Variants in ZNF462 observed in about 807,000 individuals in gnomAD.
ZNF462 encodes zinc finger protein 462, also known as zinc finger PBX1-interacting protein.
A neutral mutation model predicts 201.9 loss-of-function variants in ZNF462; 10 were observed. The observed-to-expected ratio is 0.05, with a 90% CI of 0.03 to 0.08. ZNF462 has a LOEUF of 0.08. Ranked by LOEUF, ZNF462 falls within the 10% of genes least tolerant of loss-of-function variation. The probability of loss-of-function intolerance (pLI) is 1.00; values close to 1 mark genes in which losing one functional copy is unlikely to be tolerated. For missense variants in ZNF462, 2,523 were observed against 3,168.3 expected (o/e 0.80, Z 4.89); for synonymous variants, 1,227 against 1,193.3 (o/e 1.03, Z -0.58).
chr9:106,923,234 C>A lies in ZNF462; in HGVS notation c.-30-120C>A. 1 of 704,650 alleles carries A rather than the reference C, an allele frequency of 1.4e-6. No individual in the cohort carries two copies. Among genetic ancestry groups the A allele is most frequent in the South Asian group, 1.9e-5 (1 of 53,554 alleles). 43.6% of individuals were successfully genotyped at this position (704,650 alleles called of 1,614,324 possible). A position where few individuals can be genotyped will look rare whatever the true frequency, so the allele number is the denominator to read the frequency against. On this transcript the variant is annotated intron_variant, in intron 1 of 12. Coordinates refer to ENST00000277225, the MANE Select transcript of ZNF462 (RefSeq NM_021224.6). This position sits in a 1 kb window ranked among gnomAD's most constrained non-coding sequence, Gnocchi z 5.6. ...TAGCCAATGTTCCAACTGGCAAAGT[C>A]CAATAAGAGAAATCTACTGATACTG...
At chr9:106,991,861 CACACACACACACACACACACAA>C (rs1362471521) in intron 10 of ZNF462, among the ~76,000 whole-genome samples, 3 of 151,190 alleles carry the variant, frequency 2.0e-5, no homozygotes, top group Non-Finnish European at 4.4e-5. Context: ...CACACACACA[CACACACACACACACACACACAA>C]CAATCAAAAT....
At chr9:106,943,039 A>G (rs2131664526) in intron 7 of ZNF462, among the ~76,000 whole-genome samples, 1 of 142,262 alleles carries the variant, frequency 7.0e-6, no homozygotes, top group Non-Finnish European at 1.5e-5. Context: ...TGATGGTAAC[A>G]TAGTTTTGTT....
Position 106,993,368 on chromosome 9 carries a change from G to A in ZNF462, c.7056+8959G>A, listed in dbSNP as rs1486397950. 6.6e-6 allele frequency among the ~76,000 whole-genome samples: 1 copy of A among 152,060 alleles called. No homozygotes were observed. The highest frequency in any genetic ancestry group is 1.5e-5 in the Non-Finnish European group (1 of 67,984). On this transcript the variant is annotated intron_variant, in intron 10 of 12. Transcript: ENST00000277225. The surrounding 1 kb of genome is among the most constrained non-coding windows in gnomAD (Gnocchi z 4.0). ...GATTTAGGCTGCATGTTTATCCTCAGAAGCCAGAGTGCAAAAGGGATAACC... is the reference window on the plus strand; with the variant it reads ...GATTTAGGCTGCATGTTTATCCTCAAAAGCCAGAGTGCAAAAGGGATAACC...
intron 1 of ZNF462, among the ~76,000 whole-genome samples, chr9:106,891,664 T>C (rs1286367063): frequency 6.6e-6 from 1 of 152,230 alleles, no homozygotes; most frequent in Non-Finnish European, 1.5e-5. Context: ...CATCTGAACG[T>C]GAAATCACTT....
intron 1 of ZNF462, among the ~76,000 whole-genome samples, chr9:106,874,161 TAA>T (rs567761899): frequency 3.5e-4 from 53 of 152,316 alleles, no homozygotes; most frequent in African/African-American, 1.3e-3. Flanking sequence ...ACTGTGTAGT[TAA>T]AGAGAGTAAA....
rs1474714911 is a variant in ZNF462 at position 106,886,284 on chromosome 9, G to A, written c.-31+22929G>A. Among the ~76,000 whole-genome samples, 1 of 152,160 alleles carries A rather than the reference G, an allele frequency of 6.6e-6. No individual in the cohort carries two copies. The highest frequency in any genetic ancestry group is 2.4e-5 in the African/African-American group (1 of 41,426). Reference sequence around the variant, plus strand: ...CTTTCTCTGTCTTTTCATGACTTGGGTATGTTTATGTAGATCCAAAATTAT... The same window carrying A: ...CTTTCTCTGTCTTTTCATGACTTGGATATGTTTATGTAGATCCAAAATTAT... On this transcript the variant is annotated intron_variant, in intron 1 of 12. Transcript: ENST00000277225. The surrounding 1 kb of genome is among the most constrained non-coding windows in gnomAD (Gnocchi z 4.6).
At chr9:106,957,074 A>G (rs1270852681) in intron 7 of ZNF462, among the ~76,000 whole-genome samples, 1 of 152,158 alleles carries the variant, frequency 6.6e-6, no homozygotes, top group Non-Finnish European at 1.5e-5. Flanking sequence ...TGTTTGGCAC[A>G]AGAGGCCTGG....
At chr9:106,989,624 T>G (rs911522583) in intron 10 of ZNF462, among the ~76,000 whole-genome samples, 1 of 152,052 alleles carries the variant, frequency 6.6e-6, no homozygotes, top group Non-Finnish European at 1.5e-5. Flanking sequence ...TACCAATCCT[T>G]TGAGTACCAA....
At chr9:106,971,958 C>T (rs1458374976) in intron 7 of ZNF462, 47 bp from the exon 8 acceptor site, 4 of 1,572,748 alleles carry the variant, frequency 2.5e-6, no homozygotes, top group Non-Finnish European at 3.5e-6. Context: ...CATCGATCAC[C>T]TACTGTGTTC....
At chr9:106,947,450 A>G (rs890300784) in intron 7 of ZNF462, among the ~76,000 whole-genome samples, 1 of 152,032 alleles carries the variant, frequency 6.6e-6, no homozygotes, top group African/African-American at 2.4e-5. Flanking sequence ...CTCTTAACCT[A>G]TGTGTTGATT....
At chr9:106,994,052 T>C (rs1321378367) in intron 10 of ZNF462, among the ~76,000 whole-genome samples, 2 of 152,178 alleles carry the variant, frequency 1.3e-5, no homozygotes, top group African/African-American at 4.8e-5. Context: ...TGAACTCTCT[T>C]TGCTAGTTTA....
chr9:106,951,589 T>TTTA, intron 7 of ZNF462, among the ~76,000 whole-genome samples: 1 of 152,246 alleles, frequency 6.6e-6, no homozygotes, highest in East Asian at 1.9e-4. Context: ...AAAGCCACTG[T>TTTA]TAATAAAGTA....
chr9:106,929,832 GC>G lies in ZNF462; in HGVS notation c.5847+75del. 1 of 1,391,168 alleles carries G rather than the reference GC, an allele frequency of 7.2e-7. No homozygotes were observed. Among genetic ancestry groups the G allele is most frequent in the Non-Finnish European group, 9.8e-7 (1 of 1,017,066 alleles). 86.2% of individuals were successfully genotyped at this position (1,391,168 alleles called of 1,614,324 possible). On this transcript the variant is annotated intron_variant, in intron 3 of 12. Coordinates refer to ENST00000277225, the MANE Select transcript of ZNF462 (RefSeq NM_021224.6). This position sits in a 1 kb window ranked among gnomAD's most constrained non-coding sequence, Gnocchi z 8.7. ...TGGTGCCCACATGCACTTCTTCGTTGCCAGCCAAACTGCTGCAGGCTTCCTA... is the reference window on the plus strand; with the variant it reads ...TGGTGCCCACATGCACTTCTTCGTTGCAGCCAAACTGCTGCAGGCTTCCTA...
intron 7 of ZNF462, among the ~76,000 whole-genome samples, chr9:106,964,767 A>C (rs1044027007): frequency 1.3e-5 from 2 of 152,080 alleles, no homozygotes; most frequent in Non-Finnish European, 2.9e-5. Flanking sequence ...ATTTTATCTT[A>C]TAGAATATTA....
intron 1 of ZNF462, among the ~76,000 whole-genome samples, chr9:106,900,910 CTTTG>C (rs1315698622): frequency 6.6e-6 from 1 of 152,016 alleles, no homozygotes; most frequent in Non-Finnish European, 1.5e-5. Flanking sequence ...AGCGATTTAT[CTTTG>C]TTTGTATTGC....
intron 1 of ZNF462, among the ~76,000 whole-genome samples, chr9:106,892,652 G>T (rs1436342577): frequency 6.6e-6 from 1 of 151,564 alleles, no homozygotes; most frequent in Admixed American, 6.6e-5. Flanking sequence ...TTAGATCTTC[G>T]CCTTCATATT....
At chr9:106,918,196 T>G (rs1392149082) in intron 1 of ZNF462, among the ~76,000 whole-genome samples, 3 of 152,186 alleles carry the variant, frequency 2.0e-5, no homozygotes, top group Non-Finnish European at 4.4e-5. Flanking sequence ...TGTTTTACAC[T>G]ATAACATGGA....
rs555693196 is a variant in ZNF462, at chr9:106,872,899, AT to A, written c.-31+9553del. 2.6e-5 allele frequency among the ~76,000 whole-genome samples: 4 copies of A among 151,568 alleles called. No homozygotes were observed. The highest frequency in any genetic ancestry group is 4.8e-5 in the African/African-American group (2 of 41,356). The stretch of plus-strand genomic sequence containing the variant: ...TAGTTAATACTGGACAACGGTTTTT[AT>A]TTTTTTTTAACATTTAATATGAACC... On this transcript the variant is annotated intron_variant, in intron 1 of 12. Coordinates refer to ENST00000277225, the MANE Select transcript of ZNF462 (RefSeq NM_021224.6). The surrounding 1 kb of genome is among the most constrained non-coding windows in gnomAD (Gnocchi z 4.5).
chr9:106,943,057 CGCGTGTGTGTGTGT>C lies in ZNF462; in HGVS notation c.6427+3952_6427+3965del, dbSNP rs1321871057. ...TGGTAACATAGTTTTGTTTTGCGCG[CGCGTGTGTGTGTGT>C]GTGTGTGTGTGTGTGTGTGTGTTTG... On this transcript the variant is annotated intron_variant, in intron 7 of 12. Coordinates refer to ENST00000277225, the MANE Select transcript of ZNF462 (RefSeq NM_021224.6). Among the ~76,000 whole-genome samples the C allele has an allele frequency of 2.8e-3, 378 of 136,898 alleles. 7 individuals are homozygous for C. The highest frequency in any genetic ancestry group is 0.025 in the Admixed American group (353 of 13,970). 89.8% of individuals were successfully genotyped at this position (136,898 alleles called of 152,430 possible).
Sources: allele counts gnomAD v4.1 joint callset (sites outside exome capture counted in the v4.1 genomes callset), GRCh38; gene constraint gnomAD v4.1.1; non-coding constraint Gnocchi (gnomAD v3.1); transcripts MANE v1.5; gene names NCBI Gene and HGNC (gene_info 2026-07-23, HGNC 2026-07-21).